Variants in ZMAT4 observed in about 807,000 individuals in gnomAD.
ZMAT4 encodes zinc finger matrin-type 4.
ZMAT4 carries 17 observed loss-of-function variants against 28.7 expected under a neutral mutation model. The observed-to-expected ratio is 0.59, with a 90% CI of 0.41 to 0.89. The LOEUF is 0.89. Among genes scored for constraint, ZMAT4 ranks in the 40% least tolerant of loss-of-function variants. ZMAT4 has a pLI of 0.00. For missense variants in ZMAT4, 240 were observed against 283.8 expected, an observed-to-expected ratio of 0.85 and a Z score of 1.11; for synonymous variants, 117 against 109.2, an observed-to-expected ratio of 1.07 and a Z score of -0.44.
chr8:40,564,123 G>T (rs1803838619), intron 6 of ZMAT4, among the ~76,000 whole-genome samples: 1 of 152,116 alleles, frequency 6.6e-6, no homozygotes, highest in African/African-American at 2.4e-5. Flanking sequence ...CGTGAATGAG[G>T]TCAAGTAGTT....
At chr8:40,590,871 C>G (rs554620485) in intron 5 of ZMAT4, among the ~76,000 whole-genome samples, 5 of 152,168 alleles carry the variant, frequency 3.3e-5, no homozygotes, top group African/African-American at 1.2e-4. Context: ...ACGTTTGTCC[C>G]CATTAGGTTC....
chr8:40,627,325 G>A lies in ZMAT4; in HGVS notation c.578-46064C>T, dbSNP rs1226033081. Among the ~76,000 whole-genome samples, 4 of 152,212 alleles carry A rather than the reference G, an allele frequency of 2.6e-5. No homozygotes were observed. In the South Asian group the frequency reaches 8.3e-4, roughly 32 times the overall value. ...TAGAACCAAATATATCTGTAGCGTAGCCAGGCATGAGAATCTAATGCTTAA... is the reference window on the plus strand; with the variant it reads ...TAGAACCAAATATATCTGTAGCGTAACCAGGCATGAGAATCTAATGCTTAA... On this transcript the variant is annotated intron_variant, in intron 5 of 6. Transcript: ENST00000297737.
chr8:40,712,486 C>T (rs761255030), intron 3 of ZMAT4, among the ~76,000 whole-genome samples: 4 of 152,342 alleles, frequency 2.6e-5, no homozygotes, highest in Admixed American at 6.5e-5. Context: ...TTAGCACATG[C>T]TATCACATCA....
chr8:40,836,168 G>T (rs575975246), intron 1 of ZMAT4, among the ~76,000 whole-genome samples: 8 of 152,278 alleles, frequency 5.3e-5, no homozygotes, highest in Admixed American at 2.0e-4. Context: ...GGAAAATAAT[G>T]ATTGGTTTGG....
chr8:40,547,903 A>G (rs143462501), intron 6 of ZMAT4, among the ~76,000 whole-genome samples: 1 of 152,338 alleles, frequency 6.6e-6, no homozygotes, highest in African/African-American at 2.4e-5. Context: ...ACAAAGCAGG[A>G]GAAGTGTTAT....
At chr8:40,825,105 G>A (rs1327653156) in intron 2 of ZMAT4, among the ~76,000 whole-genome samples, 2 of 152,176 alleles carry the variant, frequency 1.3e-5, no homozygotes, top group Non-Finnish European at 2.9e-5. Context: ...TTGGCCATCA[G>A]GTGGAAGAAA....
intron 4 of ZMAT4, among the ~76,000 whole-genome samples, chr8:40,676,395 A>T (rs982559426): frequency 6.6e-6 from 1 of 152,160 alleles, no homozygotes; most frequent in Non-Finnish European, 1.5e-5. Flanking sequence ...CACATGGGCC[A>T]TTAGTCCTAA....
At chr8:40,751,458 G>A (rs1812448595) in intron 3 of ZMAT4, among the ~76,000 whole-genome samples, 1 of 151,874 alleles carries the variant, frequency 6.6e-6, no homozygotes, top group Non-Finnish European at 1.5e-5. Context: ...CATGAGGACT[G>A]CACCAAGGGG....
At chr8:40,539,280 G>A (rs375840191) in intron 6 of ZMAT4, among the ~76,000 whole-genome samples, 138 of 152,224 alleles carry the variant, frequency 9.1e-4, no homozygotes, top group African/African-American at 3.1e-3. Context: ...AACACATGAG[G>A]AAAATCAGAA....
chr8:40,715,338 C>T (rs1035169711), intron 3 of ZMAT4, among the ~76,000 whole-genome samples: 2 of 152,046 alleles, frequency 1.3e-5, no homozygotes, highest in African/African-American at 4.8e-5. Flanking sequence ...AAAGACATAG[C>T]TGGTACCCAG....
chr8:40,700,411 C>G (rs13268806), intron 3 of ZMAT4, among the ~76,000 whole-genome samples: 1 of 97,320 alleles, frequency 1.0e-5, no homozygotes, highest in Non-Finnish European at 1.8e-5. Context: ...TGCTGCTTTT[C>G]TTTTTTTTTT....
intron 2 of ZMAT4, among the ~76,000 whole-genome samples, chr8:40,798,821 C>T (rs1814699845): frequency 6.6e-6 from 1 of 152,200 alleles, no homozygotes; most frequent in Non-Finnish European, 1.5e-5. Context: ...ATGGTTAAAC[C>T]TGAAGGCAGT....
rs138701037 is a variant in ZMAT4 at position 40,775,084 on chromosome 8, C to T, written c.103-7354G>A. Among the ~76,000 whole-genome samples, 442 of 152,198 alleles carry T rather than the reference C, an allele frequency of 2.9e-3. 2 individuals carry two copies. Among genetic ancestry groups the T allele is most frequent in the African/African-American group, 8.9e-3 (370 of 41,514 alleles). On this transcript the variant is annotated intron_variant, in intron 2 of 6. Transcript: ENST00000297737. ...TATCTGTTGGTTTCACTGTTGTATCCCCAAAATCTATCACAATGCCTGACA... is the reference window on the plus strand; with the variant it reads ...TATCTGTTGGTTTCACTGTTGTATCTCCAAAATCTATCACAATGCCTGACA...
intron 2 of ZMAT4, among the ~76,000 whole-genome samples, chr8:40,768,465 C>A (rs1250553088): frequency 6.6e-6 from 1 of 152,056 alleles, no homozygotes; most frequent in Non-Finnish European, 1.5e-5. Context: ...GAGTTTCATC[C>A]CGGATTCCCA....
chr8:40,833,739 A>G (rs1816376309), intron 1 of ZMAT4, among the ~76,000 whole-genome samples: 1 of 152,098 alleles, frequency 6.6e-6, no homozygotes, highest in South Asian at 2.1e-4. Context: ...CCCATGCAGC[A>G]TCTGAGAGCA....
intron 5 of ZMAT4, among the ~76,000 whole-genome samples, chr8:40,646,479 T>C (rs538357560): frequency 2.0e-5 from 3 of 152,236 alleles, no homozygotes; most frequent in Non-Finnish European, 4.4e-5. Context: ...TAGTTGTCAA[T>C]TTTATTAATA....
chr8:40,719,932 C>T (rs891779196), intron 3 of ZMAT4, among the ~76,000 whole-genome samples: 15 of 152,186 alleles, frequency 9.9e-5, no homozygotes, highest in Admixed American at 6.5e-4. Flanking sequence ...ACCCCACACT[C>T]CTCAGCAGCC....
intron 1 of ZMAT4, among the ~76,000 whole-genome samples, chr8:40,864,099 T>A (rs1169432143): frequency 6.6e-6 from 1 of 152,238 alleles, no homozygotes; most frequent in Non-Finnish European, 1.5e-5. Context: ...TCCCAATTAA[T>A]GAATGCACCT....
chr8:40,642,309 C>G (rs936940345), intron 5 of ZMAT4, among the ~76,000 whole-genome samples: 1 of 152,090 alleles, frequency 6.6e-6, no homozygotes, highest in Admixed American at 6.5e-5. Context: ...GGTGAACATT[C>G]AATAATATAG....
Sources: allele counts gnomAD v4.1 joint callset (sites outside exome capture counted in the v4.1 genomes callset), GRCh38; gene constraint gnomAD v4.1.1; transcripts MANE v1.5; gene names NCBI Gene and HGNC (gene_info 2026-07-23, HGNC 2026-07-21).